FRMD4A: variants seen among roughly 807,000 people sequenced by gnomAD.
The protein encoded by FRMD4A is FERM domain containing 4A.
In FRMD4A, 29 loss-of-function variants were observed where a neutral mutation model predicts 129.1. The ratio of observed to expected loss-of-function variants is 0.22; its 90% CI spans 0.17 to 0.31. The LOEUF (loss-of-function observed/expected upper bound fraction) is 0.31, where lower values mean the gene tolerates loss of function less well. FRMD4A is among the 10% of genes least tolerant of loss of function. The pLI is 1.00. For synonymous variants in FRMD4A, 634 were observed against 571.6 expected (o/e 1.11, Z -1.56); for missense variants, 1,272 against 1,375.8 (o/e 0.92, Z 1.19).
chr10:13,708,958 A>G (rs2087744205), intron 12 of FRMD4A, among the ~76,000 whole-genome samples: 1 of 152,022 alleles, frequency 6.6e-6, no homozygotes. Context: ...GTTTGAATCC[A>G]AGCTCCACTA....
At chr10:13,763,205 A>T (rs1168437839) in intron 6 of FRMD4A, among the ~76,000 whole-genome samples, 1 of 152,200 alleles carries the variant, frequency 6.6e-6, no homozygotes, top group Non-Finnish European at 1.5e-5. Flanking sequence ...ATTAAGAGGC[A>T]GACTAGGCCC....
chr10:14,146,667 C>G (rs2131849042), intron 2 of FRMD4A, among the ~76,000 whole-genome samples: 1 of 152,278 alleles, frequency 6.6e-6, no homozygotes, highest in Non-Finnish European at 1.5e-5. Flanking sequence ...ACACTAATGA[C>G]TCAACACGGC....
intron 15 of FRMD4A, among the ~76,000 whole-genome samples, chr10:13,685,857 T>A (rs573329730): frequency 8.5e-5 from 13 of 152,336 alleles, no homozygotes; most frequent in Admixed American, 5.2e-4. Context: ...TGTCATTTGG[T>A]CCTGGTTCCC....
intron 4 of FRMD4A, among the ~76,000 whole-genome samples, chr10:13,808,118 C>G (rs534133187): frequency 3.9e-4 from 60 of 152,314 alleles, no homozygotes; most frequent in Admixed American, 2.8e-3. Context: ...AAATTCTACT[C>G]TCAGGAACAA....
intron 2 of FRMD4A, among the ~76,000 whole-genome samples, chr10:14,315,064 T>C (rs1846686969): frequency 6.6e-6 from 1 of 152,168 alleles, no homozygotes; most frequent in Non-Finnish European, 1.5e-5. Context: ...TTATATTCTC[T>C]TGGAATTCTA....
At chr10:14,128,046 CTCTTTCTTTCTTTCTTTCTTTCTT>C (rs534411383) in intron 2 of FRMD4A, among the ~76,000 whole-genome samples, 1,466 of 78,004 alleles carry the variant, frequency 0.019, 46 homozygotes, top group South Asian at 0.051. Context: ...CTTTCTTTCC[CTCTTTCTTTCTTTCTTTCTTTCTT>C]TCTTTCTTTC....
chr10:14,244,818 GTAA>G (rs1844176222), intron 2 of FRMD4A, among the ~76,000 whole-genome samples: 1 of 152,180 alleles, frequency 6.6e-6, no homozygotes, highest in African/African-American at 2.4e-5. Flanking sequence ...TCTTTCCGCA[GTAA>G]TACTGAGTTC....
intron 9 of FRMD4A, among the ~76,000 whole-genome samples, chr10:13,742,523 T>G (rs2091068279): frequency 6.6e-6 from 1 of 152,170 alleles, no homozygotes; most frequent in Non-Finnish European, 1.5e-5. Flanking sequence ...ATCTTTATTA[T>G]CTATTATTTT....
intron 12 of FRMD4A, among the ~76,000 whole-genome samples, chr10:13,716,693 T>G (rs1309938687): frequency 6.6e-6 from 1 of 152,178 alleles, no homozygotes; most frequent in Non-Finnish European, 1.5e-5. Context: ...CAAAAACCTC[T>G]TAGCTTCCTT....
intron 8 of FRMD4A, among the ~76,000 whole-genome samples, chr10:13,759,418 C>T (rs1440642935): frequency 6.6e-6 from 1 of 152,198 alleles, no homozygotes. Context: ...TTCCCATGAT[C>T]CGTGGGGCCA....
chr10:13,746,374 C>T (rs2091291196), intron 9 of FRMD4A, among the ~76,000 whole-genome samples: 1 of 151,670 alleles, frequency 6.6e-6, no homozygotes, highest in Non-Finnish European at 1.5e-5. Context: ...TCATGTCCAG[C>T]TAATTTTTTT....
At chr10:14,010,262 A>T (rs2095676804) in intron 2 of FRMD4A, among the ~76,000 whole-genome samples, 1 of 152,170 alleles carries the variant, frequency 6.6e-6, no homozygotes, top group South Asian at 2.1e-4. Context: ...TGAGTGTTTC[A>T]CTGTGGAGCT....
intron 3 of FRMD4A, among the ~76,000 whole-genome samples, chr10:13,843,249 C>A (rs988739606): frequency 5.3e-5 from 8 of 152,126 alleles, no homozygotes; most frequent in Admixed American, 3.9e-4. Context: ...GGGTGCCGAC[C>A]GGGAACTTGC....
At chr10:14,165,363 A>C (rs1482018584) in intron 2 of FRMD4A, among the ~76,000 whole-genome samples, 3 of 152,220 alleles carry the variant, frequency 2.0e-5, no homozygotes, top group Non-Finnish European at 4.4e-5. Context: ...AAAACATAAC[A>C]GATGCTGGTG....
At chr10:14,194,099 T>C (rs1031175732) in intron 2 of FRMD4A, among the ~76,000 whole-genome samples, 16 of 152,326 alleles carry the variant, frequency 1.1e-4, no homozygotes, top group African/African-American at 3.8e-4. Flanking sequence ...TCCTCTGTGA[T>C]TTTAATTCTC....
intron 2 of FRMD4A, among the ~76,000 whole-genome samples, chr10:13,924,141 A>C (rs1322595778): frequency 1.3e-5 from 2 of 152,200 alleles, no homozygotes; most frequent in African/African-American, 4.8e-5. Context: ...TCTCATGGAC[A>C]TGCTGTCTCT....
intron 2 of FRMD4A, among the ~76,000 whole-genome samples, chr10:13,878,222 CAA>C (rs34559071): frequency 0.075 from 6,821 of 91,174 alleles, 177 homozygotes; most frequent in African/African-American, 0.12. Flanking sequence ...CTACTTGTAG[CAA>C]AAAAAAAAAA....
chr10:14,251,169 G>A (rs1844427277), intron 2 of FRMD4A, among the ~76,000 whole-genome samples: 1 of 152,072 alleles, frequency 6.6e-6, no homozygotes, highest in African/African-American at 2.4e-5. Flanking sequence ...ATAAACTTAT[G>A]GATTTGTTTC....
intron 3 of FRMD4A, among the ~76,000 whole-genome samples, chr10:13,845,909 T>A (rs911330836): frequency 6.6e-6 from 1 of 152,228 alleles, no homozygotes; most frequent in Non-Finnish European, 1.5e-5. Context: ...GAGCCTGTGC[T>A]CTCAGCGTGC....
Sources: gnomAD v4.1 joint callset for allele counts (sites outside exome capture counted in the v4.1 genomes callset) on GRCh38, gnomAD v4.1.1 for gene constraint, MANE v1.5 for transcripts, NCBI Gene and HGNC (gene_info 2026-07-23, HGNC 2026-07-21) for gene names.